The following VAV2 variants were observed in gnomAD, a reference collection of about 807,000 sequenced individuals.
VAV2 encodes guanine nucleotide exchange factor VAV2.
In VAV2, 67 loss-of-function variants were observed where a neutral mutation model predicts 132.5. The observed-to-expected ratio is 0.51, with a 90% CI of 0.42 to 0.62. The LOEUF (loss-of-function observed/expected upper bound fraction) is 0.62. Among genes scored for constraint, VAV2 ranks in the 20% least tolerant of loss-of-function variants. The pLI, the probability that VAV2 is intolerant of heterozygous loss-of-function variation, is 0.00. For synonymous variants in VAV2, 492 were observed against 443.5 expected, an observed-to-expected ratio of 1.11 and a Z score of -1.37; for missense variants, 938 against 1,153.6, an observed-to-expected ratio of 0.81 and a Z score of 2.71.
intron 29 of VAV2, 124 bp from the exon 30 acceptor site, chr9:133,764,233 G>C: frequency 8.1e-7 from 1 of 1,234,346 alleles, no homozygotes. Context: ...CGGAAGTCCA[G>C]AGTTCTCAGA....
intron 22 of VAV2, among the ~76,000 whole-genome samples, chr9:133,778,542 G>C (rs572737082): frequency 1.3e-5 from 2 of 152,316 alleles, no homozygotes; most frequent in Admixed American, 1.3e-4. Context: ...GCAAACACCC[G>C]GGGAGCCCAA....
chr9:133,851,892 G>C (rs1413882874), intron 3 of VAV2, among the ~76,000 whole-genome samples: 1 of 147,094 alleles, frequency 6.8e-6, no homozygotes, highest in African/African-American at 2.7e-5. Context: ...TGGATGCATG[G>C]ATGGATGGAT....
rs532460695 is a variant in VAV2 at position 133,783,404 on chromosome 9, C to T, written c.1723+99G>A. 504 of 1,191,210 alleles carry T rather than the reference C, an allele frequency of 4.2e-4. 1 individual carries two copies. The highest frequency in any genetic ancestry group is 5.8e-4 in the African/African-American group (37 of 63,582). 73.8% of individuals were successfully genotyped at this position (1,191,210 alleles called of 1,614,324 possible). A position where few individuals can be genotyped will look rare whatever the true frequency, so the allele number is the denominator to read the frequency against. ...TGGTGCCCTCATCTGGTCGCTGCCC[C>T]GTGGGAGATGGTGCCCGAGGCCCGT... is the stretch of plus-strand genomic sequence containing the variant. On this transcript the variant is annotated intron_variant, in intron 19 of 29. Transcript: ENST00000371850.
intron 1 of VAV2, among the ~76,000 whole-genome samples, chr9:133,978,185 G>T (rs610173): frequency 0.53 from 81,341 of 152,152 alleles, 23,401 homozygotes; most frequent in African/African-American, 0.72. Context: ...CTGGCCCGCC[G>T]GCCAGAGGAT....
chr9:133,894,797 C>A (rs1489781894), intron 2 of VAV2, among the ~76,000 whole-genome samples: 1 of 152,168 alleles, frequency 6.6e-6, no homozygotes, highest in Non-Finnish European at 1.5e-5. Flanking sequence ...AGACTTGGGG[C>A]CCCTGAGGTG....
At chr9:133,808,291 G>A (rs1835230054) in intron 7 of VAV2, among the ~76,000 whole-genome samples, 1 of 152,220 alleles carries the variant, frequency 6.6e-6, no homozygotes, top group Non-Finnish European at 1.5e-5. Flanking sequence ...AGCAGGAGGG[G>A]GCCCGGCCGG....
At chr9:133,894,245 G>A (rs1839103749) in intron 2 of VAV2, among the ~76,000 whole-genome samples, 1 of 152,386 alleles carries the variant, frequency 6.6e-6, no homozygotes, top group African/African-American at 2.4e-5. Context: ...CAAGGATGGG[G>A]GAGCCGGGGC....
At chr9:133,797,145 A>AGGAGGGGCTG (rs1260190620) in intron 10 of VAV2, among the ~76,000 whole-genome samples, 8 of 152,300 alleles carry the variant, frequency 5.3e-5, no homozygotes, top group African/African-American at 1.7e-4. Flanking sequence ...AGCTGGGAAC[A>AGGAGGGGCTG]GGAGGGGCTG....
chr9:133,876,094 A>C (rs80171175), intron 2 of VAV2, among the ~76,000 whole-genome samples: 2,446 of 152,302 alleles, frequency 0.016, 60 homozygotes, highest in African/African-American at 0.054. Flanking sequence ...GGGCCTTCGG[A>C]TCAGGACTGG....
intron 23 of VAV2, 114 bp downstream of exon 23, chr9:133,777,275 A>G: frequency 9.1e-7 from 1 of 1,099,990 alleles, no homozygotes; most frequent in Non-Finnish European, 1.3e-6. Flanking sequence ...CAGCAGCCTA[A>G]ATTTAGCAAG....
At chr9:133,951,580 C>A in intron 1 of VAV2, among the ~76,000 whole-genome samples, 1 of 152,120 alleles carries the variant, frequency 6.6e-6, no homozygotes, top group Non-Finnish European at 1.5e-5. Flanking sequence ...AGACTAGAAC[C>A]CCTCTCAGCC....
At chr9:133,853,110 G>A (rs751945661) in intron 3 of VAV2, among the ~76,000 whole-genome samples, 2 of 152,246 alleles carry the variant, frequency 1.3e-5, no homozygotes, top group African/African-American at 2.4e-5. Flanking sequence ...GGTAAAAGCC[G>A]TGGCAGGCCC....
intron 2 of VAV2, among the ~76,000 whole-genome samples, chr9:133,933,225 C>T (rs1304759778): frequency 2.0e-5 from 3 of 152,240 alleles, no homozygotes; most frequent in East Asian, 1.9e-4. Flanking sequence ...CAGCAGGCCT[C>T]GGGGCCAAAG....
At position 133,804,472 on chromosome 9, in the gene VAV2, C is replaced by T. The variant is rs1835057885; in HGVS notation, c.836+1609G>A. On this transcript the variant is annotated intron_variant, in intron 9 of 29. Coordinates refer to ENST00000371850, the MANE Select transcript of VAV2 (RefSeq NM_001134398.2). This position sits in a 1 kb window ranked among gnomAD's most constrained non-coding sequence, Gnocchi z 4.5. ...CCCATGCAAGGTCCTGCTGGTGGGA[C>T]AGGGCCAGGGGTGTCGCCGGGCAGC... 6.6e-6 allele frequency among the ~76,000 whole-genome samples: 1 copy of T among 152,224 alleles called. No individual in the cohort carries two copies. Among genetic ancestry groups the T allele is most frequent in the Admixed American group, 6.5e-5 (1 of 15,290 alleles).
At chr9:133,905,991 G>A (rs1376441651) in intron 2 of VAV2, among the ~76,000 whole-genome samples, 1 of 152,206 alleles carries the variant, frequency 6.6e-6, no homozygotes, top group Non-Finnish European at 1.5e-5. Context: ...AGTGAGCCAT[G>A]ATCGCGCCAC....
chr9:133,947,212 A>G (rs687644), intron 1 of VAV2, among the ~76,000 whole-genome samples: 62,920 of 151,936 alleles, frequency 0.41, 13,132 homozygotes, highest in African/African-American at 0.42. Flanking sequence ...CAAGCAGGTG[A>G]AAGGTAGGGT....
Position 133,880,235 on chromosome 9 carries a change from T to C in VAV2, c.322-18803A>G, listed in dbSNP as rs546132511. Among the ~76,000 whole-genome samples the C allele has an allele frequency of 6.6e-5, 10 of 152,308 alleles. No homozygotes were observed. The South Asian group carries it at 2.1e-3, about 32-fold the overall frequency. On this transcript the variant is annotated intron_variant, in intron 2 of 29. Transcript: ENST00000371850. ...TACAAGGTGTGTCCCCAAGAAGCTC[T>C]GTGTGCCCCACCGGAGGAAAGAGCC...
intron 2 of VAV2, among the ~76,000 whole-genome samples, chr9:133,920,339 G>A (rs1323111905): frequency 1.3e-5 from 2 of 152,212 alleles, no homozygotes; most frequent in Non-Finnish European, 2.9e-5. Context: ...GACAGCTGAG[G>A]GCGCTTTTCG....
At chr9:133,945,786 C>A (rs914776791) in intron 1 of VAV2, among the ~76,000 whole-genome samples, 2 of 152,240 alleles carry the variant, frequency 1.3e-5, no homozygotes, top group Non-Finnish European at 2.9e-5. Context: ...ATCCCTGAAC[C>A]ACCGACTCCT....
Sources: gnomAD v4.1 joint callset for allele counts (sites outside exome capture counted in the v4.1 genomes callset) on GRCh38, gnomAD v4.1.1 for gene constraint, Gnocchi (gnomAD v3.1) non-coding constraint, MANE v1.5 for transcripts, NCBI Gene and HGNC (gene_info 2026-07-23, HGNC 2026-07-21) for gene names.